The following NR2F2 variants were observed in gnomAD, a reference collection of about 807,000 sequenced individuals.
NR2F2 encodes COUP transcription factor 2.
Under a neutral mutation model 34.8 loss-of-function variants are expected in NR2F2, and 2 were observed. The ratio of observed to expected loss-of-function variants is 0.06; its 90% CI spans 0.02 to 0.18. The LOEUF is 0.18. Ranked by LOEUF, NR2F2 falls within the 10% of genes least tolerant of loss-of-function variation. The probability of loss-of-function intolerance (pLI) is 1.00; values close to 1 mark genes in which losing one functional copy is unlikely to be tolerated. For missense variants in NR2F2, 300 were observed against 580.1 expected (o/e 0.52, Z 4.96); for synonymous variants, 274 against 251.8 (o/e 1.09, Z -0.84).
Position 96,332,354 on chromosome 15 carries a change from A to G in NR2F2, c.249A>G (p.Gly83=), listed in dbSNP as rs373598393. 3.7e-6 allele frequency: 6 copies of G among 1,610,312 alleles called. No homozygotes were observed. The African/African-American group carries it at 8.0e-5, about 22-fold the overall frequency. Residue 83 remains glycine, a synonymous_variant, in exon 1 of 3, where the codon GGA becomes GGG. Coordinates refer to ENST00000394166, the MANE Select transcript of NR2F2 (RefSeq NM_021005.4). ...QQQHIECVVC[G]DKSSGKHYGQ... ...AACACATCGAGTGCGTGGTGTGCGG[A>G]GACAAGTCGAGCGGCAAGCACTACG... is the stretch of plus-strand genomic sequence containing the variant.
At position 96,330,981 on chromosome 15, in the gene NR2F2, T is replaced by A. The variant is rs1262833502; in HGVS notation, c.-1125T>A. 2.5e-6 allele frequency: 3 copies of A among 1,200,684 alleles called. No individual in the cohort carries two copies. Among genetic ancestry groups the A allele is most frequent in the Non-Finnish European group, 3.1e-6 (3 of 967,482 alleles). 74.4% of individuals were successfully genotyped at this position (1,200,684 alleles called of 1,614,324 possible). On this transcript the variant is annotated 5_prime_UTR_variant, in exon 1 of 3. Coordinates refer to ENST00000394166, the MANE Select transcript of NR2F2 (RefSeq NM_021005.4). ...GCTTCTAGGTGGTGATCTGCCCTCC[T>A]CTCTCTCTTTTATCATTTCTCCCCC...
chr15:96,337,159 G>A (rs141479432), intron 2 of NR2F2, among the ~76,000 whole-genome samples, 189 bp from the exon 3 acceptor site: 18 of 127,756 alleles, frequency 1.4e-4, no homozygotes, highest in African/African-American at 3.3e-4. Flanking sequence ...CCCCCACCCC[G>A]CCTCCCCCCC....
chr15:96,336,620 A>T (rs907918269), intron 2 of NR2F2, among the ~76,000 whole-genome samples: 1 of 151,546 alleles, frequency 6.6e-6, no homozygotes, highest in African/African-American at 2.4e-5. Context: ...TTTCCTGAAG[A>T]TAACAGGGAG....
intron 2 of NR2F2, among the ~76,000 whole-genome samples, chr15:96,336,177 C>T (rs1899320167): frequency 1.3e-5 from 2 of 152,150 alleles, no homozygotes; most frequent in Non-Finnish European, 2.9e-5. Context: ...CTGATACTGT[C>T]GTTAACAGTT....
At chr15:96,334,709 C>G in intron 2 of NR2F2, 106 bp downstream of exon 2, 1 of 1,279,444 alleles carries the variant, frequency 7.8e-7, no homozygotes, top group Non-Finnish European at 1.1e-6. Flanking sequence ...CCTTGAAAGG[C>G]CAAACTGTTG....
Position 96,337,885 on chromosome 15 carries a change from A to G in NR2F2, c.*263A>G, listed in dbSNP as rs1899383518. On this transcript the variant is annotated 3_prime_UTR_variant, in exon 3 of 3. Transcript: ENST00000394166. ...TGCTACTTATCATTTTTGTATAAAA[A>G]GGAAATTAGTCTTTTTCTTTTTTTG... 3.0e-6 allele frequency: 1 copy of G among 333,636 alleles called. No individual in the cohort carries two copies. Among genetic ancestry groups the G allele is most frequent in the African/African-American group, 2.1e-5 (1 of 46,998 alleles). 20.7% of individuals were successfully genotyped at this position (333,636 alleles called of 1,614,324 possible). A position where few individuals can be genotyped will look rare whatever the true frequency, so the allele number is the denominator to read the frequency against.
rs1213172938 is a variant in NR2F2 at position 96,339,368 on chromosome 15, A to T, written c.*1746A>T. On this transcript the variant is annotated 3_prime_UTR_variant, in exon 3 of 3. Transcript: ENST00000394166. ...TCTACTCTAGCGTGGTTGTTGAGAG[A>T]GTTTCAAATTCAGTGATACAGGTTC... is the stretch of plus-strand genomic sequence containing the variant. 6.6e-6 allele frequency: 1 copy of T among 152,102 alleles called. No individual in the cohort carries two copies. The highest frequency in any genetic ancestry group is 1.5e-5 in the Non-Finnish European group (1 of 68,026). The allele number at this position is 152,102 out of a possible 1,614,324, so 9.4% of individuals were successfully genotyped here. A position where few individuals can be genotyped will look rare whatever the true frequency, so the allele number is the denominator to read the frequency against.
chr15:96,334,085 G>A lies in NR2F2; in HGVS notation c.452G>A (p.Arg151Lys). ...CCTTTCCTCCCCGCAGCGGTGCAGA[G>A]GGGCAGGATGCCGCCGACCCAGCCG... ...KVGMRREAVQ[R>K]GRMPPTQPTH... The change falls in exon 2 of 3, where the codon AGG becomes AAG. Residue 151 changes from arginine to lysine, a missense_variant. Physicochemically the swap from Arg to Lys is conservative, Grantham distance 26. Around this residue, in one of 6 missense-constraint regions of NR2F2, gnomAD observed 164 missense variants for 365.3 expected, o/e 0.45. Coordinates refer to ENST00000394166, the MANE Select transcript of NR2F2 (RefSeq NM_021005.4). 6.2e-7 allele frequency: 1 copy of A among 1,612,828 alleles called. No individual in the cohort carries two copies. The highest frequency in any genetic ancestry group is 1.1e-5 in the South Asian group (1 of 91,042).
rs759411357 is a variant in NR2F2 at position 96,332,552 on chromosome 15, C to T, written c.442+5C>T. On this transcript the variant is annotated splice_donor_5th_base_variant and intron_variant, in intron 1 of 2. Transcript: ENST00000394166. ...AAGTGGGCATGAGACGGGAAGGTAT[C>T]GGCCTCTCATTTCTCCTTCCCTCGT... is the stretch of plus-strand genomic sequence containing the variant. The T allele has an allele frequency of 5.0e-6, 8 of 1,606,234 alleles. No individual in the cohort carries two copies. The highest frequency in any genetic ancestry group is 1.1e-5 in the South Asian group (1 of 90,960).
In NR2F2 at chr15:96,332,075, A is replaced by G; in HGVS notation, c.-31A>G. ...CCCCGCCGCCGCCCGCAGCCAGGGG[A>G]GCAGGAAGTCCGGACGCAGCCCCCA... On this transcript the variant is annotated 5_prime_UTR_variant, in exon 1 of 3. Coordinates refer to ENST00000394166, the MANE Select transcript of NR2F2 (RefSeq NM_021005.4). 1.6e-6 allele frequency: 2 copies of G among 1,273,130 alleles called. No individual in the cohort carries two copies. The highest frequency in any genetic ancestry group is 2.8e-5 in the South Asian group (1 of 35,742). 78.9% of individuals were successfully genotyped at this position (1,273,130 alleles called of 1,614,324 possible). A position where few individuals can be genotyped will look rare whatever the true frequency, so the allele number is the denominator to read the frequency against.
At chr15:96,326,338 G>A, upstream of NR2F2, 2 of 1,613,420 alleles carry the variant, frequency 1.2e-6, no homozygotes, top group Non-Finnish European at 1.7e-6. The surrounding 1 kb of genome is among the most constrained non-coding windows in gnomAD (Gnocchi z 5.5). Flanking sequence ...CTTGAACAAG[G>A]CAAATATGGT....
rs1344551334 is a variant in NR2F2, at chr15:96,340,028, T to A, written c.*2406T>A. Reference sequence around the variant, plus strand: ...TTCTGTAGATATATACATATATAAATACAAGTATGTTCTTACGGCACAGTA... The same window carrying A: ...TTCTGTAGATATATACATATATAAAAACAAGTATGTTCTTACGGCACAGTA... On this transcript the variant is annotated 3_prime_UTR_variant, in exon 3 of 3. Coordinates refer to ENST00000394166, the MANE Select transcript of NR2F2 (RefSeq NM_021005.4). 6.6e-6 allele frequency: 1 copy of A among 152,284 alleles called. No individual in the cohort carries two copies. Among genetic ancestry groups the A allele is most frequent in the Admixed American group, 6.5e-5 (1 of 15,292 alleles). The allele number at this position is 152,284 out of a possible 1,614,324, so 9.4% of individuals were successfully genotyped here. A position where few individuals can be genotyped will look rare whatever the true frequency, so the allele number is the denominator to read the frequency against.
Position 96,331,330 on chromosome 15 carries a change from G to A in NR2F2, c.-776G>A. 8.4e-7 allele frequency: 1 copy of A among 1,194,772 alleles called. No homozygotes were observed. The highest frequency in any genetic ancestry group is 3.5e-5 in the East Asian group (1 of 28,496). 74.0% of individuals were successfully genotyped at this position (1,194,772 alleles called of 1,614,324 possible). Reference sequence around the variant, plus strand: ...GCCAGGACGACGCCGCGCAGCGCCCGACGCGGACCACTTTCATGCTGATTC... The same window carrying A: ...GCCAGGACGACGCCGCGCAGCGCCCAACGCGGACCACTTTCATGCTGATTC... On this transcript the variant is annotated 5_prime_UTR_variant, in exon 1 of 3. Coordinates refer to ENST00000394166, the MANE Select transcript of NR2F2 (RefSeq NM_021005.4).
upstream of NR2F2, among the ~76,000 whole-genome samples, chr15:96,329,076 T>C (rs1322166705): frequency 1.3e-5 from 2 of 152,200 alleles, no homozygotes; most frequent in East Asian, 1.9e-4. Flanking sequence ...TCTGTGGTCA[T>C]CAATTTACTC....
upstream of NR2F2, chr15:96,326,375 TTCTC>T (rs749877354): frequency 3.2e-5 from 51 of 1,603,928 alleles, no homozygotes; most frequent in African/African-American, 8.0e-5. This position sits in a 1 kb window ranked among gnomAD's most constrained non-coding sequence, Gnocchi z 5.5. Context: ...ACAGTATTTT[TTCTC>T]TCTCTCTTTC....
At chr15:96,326,154 G>C (rs774158360), upstream of NR2F2, 17 of 673,054 alleles carry the variant, frequency 2.5e-5, no homozygotes, top group Non-Finnish European at 4.6e-5. This position sits in a 1 kb window ranked among gnomAD's most constrained non-coding sequence, Gnocchi z 5.5. Context: ...TTCCCTGCAG[G>C]CTAGTGCCTA....
chr15:96,330,400 T>TCGGCGA (rs1555446810), upstream of NR2F2, among the ~76,000 whole-genome samples: 1 of 143,398 alleles, frequency 7.0e-6, no homozygotes, highest in Non-Finnish European at 1.5e-5. Context: ...CATCCCCCTC[T>TCGGCGA]CGGCGGCGGC....
At chr15:96,326,317 C>T, upstream of NR2F2, 2 of 1,613,454 alleles carry the variant, frequency 1.2e-6, no homozygotes, top group Non-Finnish European at 1.7e-6. This position sits in a 1 kb window ranked among gnomAD's most constrained non-coding sequence, Gnocchi z 5.5. Flanking sequence ...AAGATGCAAG[C>T]GGTTTGGGAC....
At chr15:96,337,299 C>CTTT (rs765667393) in intron 2 of NR2F2, 49 bp from the exon 3 acceptor site, 1 of 1,581,990 alleles carries the variant, frequency 6.3e-7, no homozygotes, top group Non-Finnish European at 8.6e-7. Context: ...TCTTCTTCTT[C>CTTT]TTCTTCTTTT....
Sources: allele counts gnomAD v4.1 joint callset (sites outside exome capture counted in the v4.1 genomes callset), GRCh38; gene constraint gnomAD v4.1.1; regional missense constraint gnomAD v4.1.1; non-coding constraint Gnocchi (gnomAD v3.1); transcripts MANE v1.5; gene names NCBI Gene and HGNC (gene_info 2026-07-23, HGNC 2026-07-21).